The following PDGFD variants were observed in gnomAD, a reference collection of about 807,000 sequenced individuals.
PDGFD encodes the protein platelet derived growth factor D.
A neutral mutation model predicts 44.7 loss-of-function variants in PDGFD; 30 were observed. The ratio of observed to expected loss-of-function variants is 0.67; its 90% CI spans 0.50 to 0.91. PDGFD has a LOEUF of 0.91. PDGFD is among the 40% of genes least tolerant of loss of function. The probability of loss-of-function intolerance (pLI) is 0.00; values close to 1 mark genes in which losing one functional copy is unlikely to be tolerated. For missense variants in PDGFD, 445 were observed against 457.8 expected (o/e 0.97, Z 0.25); for synonymous variants, 173 against 168.4 (o/e 1.03, Z -0.21).
At chr11:104,007,891 G>A (rs570267558) in intron 1 of PDGFD, among the ~76,000 whole-genome samples, 1 of 152,278 alleles carries the variant, frequency 6.6e-6, no homozygotes, top group South Asian at 2.1e-4. Flanking sequence ...CATTTTGCAA[G>A]TCCATCATAG....
chr11:104,065,901 G>A (rs1860785105), intron 1 of PDGFD, among the ~76,000 whole-genome samples: 1 of 152,158 alleles, frequency 6.6e-6, no homozygotes, highest in Non-Finnish European at 1.5e-5. Context: ...CTGATGGCAT[G>A]AGGAAAATAA....
chr11:103,996,021 G>A (rs1049016407), intron 3 of PDGFD, 44 bp downstream of exon 3: 26 of 1,535,780 alleles, frequency 1.7e-5, no homozygotes, highest in Non-Finnish European at 2.3e-5. Context: ...TACACTTCAT[G>A]AAACCAGTGT....
chr11:104,008,075 C>T (rs1409487186), intron 1 of PDGFD, among the ~76,000 whole-genome samples: 1 of 152,144 alleles, frequency 6.6e-6, no homozygotes, highest in Non-Finnish European at 1.5e-5. Flanking sequence ...TCAGCTCTAC[C>T]TCTTTCAAGT....
intron 1 of PDGFD, among the ~76,000 whole-genome samples, chr11:104,004,543 C>A (rs1266434060): frequency 6.6e-6 from 1 of 152,038 alleles, no homozygotes; most frequent in African/African-American, 2.4e-5. Context: ...GGAATCAATA[C>A]CTCATTAATA....
At chr11:103,999,688 A>G (rs1345058458) in intron 2 of PDGFD, among the ~76,000 whole-genome samples, 55 of 152,188 alleles carry the variant, frequency 3.6e-4, no homozygotes, top group Non-Finnish European at 8.8e-5. Context: ...CCCTAAGCCC[A>G]TGGCAGGCTT....
chr11:103,925,891 G>A (rs907126214), intron 6 of PDGFD, among the ~76,000 whole-genome samples: 1 of 151,598 alleles, frequency 6.6e-6, no homozygotes, highest in Non-Finnish European at 1.5e-5. Flanking sequence ...ATCACGCCTG[G>A]CTAATTTTTG....
chr11:104,161,283 G>A (rs1373539730), intron 1 of PDGFD, among the ~76,000 whole-genome samples: 2 of 152,052 alleles, frequency 1.3e-5, no homozygotes, highest in African/African-American at 4.8e-5. Context: ...CCATGTTCAT[G>A]TCCTCCTCAA....
In PDGFD at chr11:103,910,650, T is replaced by C. The variant is rs528013698; in HGVS notation, c.988-831A>G. On this transcript the variant is annotated intron_variant, in intron 6 of 6. Transcript: ENST00000393158. ...GTGCCTATGCCACCAGGGCCCTGGG[T>C]TTCAAGCACAAAACTGGGCGGCCAT... Among the ~76,000 whole-genome samples the C allele has an allele frequency of 6.6e-5, 10 of 152,200 alleles. No homozygotes were observed. The South Asian group carries it at 2.1e-3, about 32-fold the overall frequency.
chr11:104,032,317 T>G (rs1860141071), intron 1 of PDGFD, among the ~76,000 whole-genome samples: 1 of 152,170 alleles, frequency 6.6e-6, no homozygotes, highest in South Asian at 2.1e-4. Context: ...TATGAAAACA[T>G]TAGTTATTTA....
chr11:104,135,070 C>G (rs182843453), intron 1 of PDGFD, among the ~76,000 whole-genome samples: 2 of 152,186 alleles, frequency 1.3e-5, no homozygotes, highest in Non-Finnish European at 2.9e-5. Flanking sequence ...TGAGAATAAC[C>G]ATGGGTGGAA....
chr11:103,913,621 A>C (rs547254775), intron 6 of PDGFD, among the ~76,000 whole-genome samples: 1 of 152,346 alleles, frequency 6.6e-6, no homozygotes, highest in South Asian at 2.1e-4. Flanking sequence ...CAAATTCAAA[A>C]GCTAGCAGAA....
intron 1 of PDGFD, among the ~76,000 whole-genome samples, chr11:104,137,804 G>A (rs972580348): frequency 6.9e-5 from 9 of 130,050 alleles, no homozygotes; most frequent in Admixed American, 6.4e-4. Context: ...AGTTCTGTCC[G>A]ACATTTGACA....
rs140001997 is a variant in PDGFD at position 104,099,587 on chromosome 11, G to C, written c.124+64217C>G. On this transcript the variant is annotated intron_variant, in intron 1 of 6. Transcript: ENST00000393158. Reference sequence around the variant, plus strand: ...GCAGAGGTGGCAGTGAGCCCAGATTGCACCACTACACTGCAGCCTGGGCGA... The same window carrying C: ...GCAGAGGTGGCAGTGAGCCCAGATTCCACCACTACACTGCAGCCTGGGCGA... Among the ~76,000 whole-genome samples, 105 of 151,004 alleles carry C rather than the reference G, an allele frequency of 7.0e-4. 1 individual carries two copies. The South Asian group carries it at 0.02, about 28-fold the overall frequency.
At chr11:104,133,523 G>C (rs1228280864) in intron 1 of PDGFD, among the ~76,000 whole-genome samples, 2 of 152,146 alleles carry the variant, frequency 1.3e-5, no homozygotes, top group African/African-American at 2.4e-5. Context: ...TCTAGCACAA[G>C]AGATGAAGAT....
intron 3 of PDGFD, among the ~76,000 whole-genome samples, chr11:103,962,235 TTCC>T (rs1453273201): frequency 6.6e-6 from 1 of 152,180 alleles, no homozygotes; most frequent in Admixed American, 6.5e-5. Flanking sequence ...TAATAACATT[TTCC>T]ACTCAAATAC....
At chr11:104,012,339 A>T (rs1236892545) in intron 1 of PDGFD, among the ~76,000 whole-genome samples, 1 of 152,170 alleles carries the variant, frequency 6.6e-6, no homozygotes, top group Non-Finnish European at 1.5e-5. Flanking sequence ...GATTTAAAAG[A>T]CTTCTGTGAT....
chr11:104,067,404 G>A (rs1860804824), intron 1 of PDGFD, among the ~76,000 whole-genome samples: 1 of 152,066 alleles, frequency 6.6e-6, no homozygotes, highest in Admixed American at 6.5e-5. Flanking sequence ...TAAAATAGAA[G>A]TGAGCAATTT....
chr11:104,128,367 C>T (rs1321266185), intron 1 of PDGFD, among the ~76,000 whole-genome samples: 5 of 152,118 alleles, frequency 3.3e-5, no homozygotes, highest in Non-Finnish European at 7.4e-5. Flanking sequence ...CCAAACACAG[C>T]TCCACCTACT....
chr11:104,152,227 C>T (rs1013342122), intron 1 of PDGFD, among the ~76,000 whole-genome samples: 2 of 152,172 alleles, frequency 1.3e-5, no homozygotes, highest in African/African-American at 4.8e-5. Flanking sequence ...ATAATCCCAA[C>T]ATATACTGTA....
Sources: gnomAD v4.1 joint callset for allele counts (sites outside exome capture counted in the v4.1 genomes callset) on GRCh38, gnomAD v4.1.1 for gene constraint, MANE v1.5 for transcripts, NCBI Gene and HGNC (gene_info 2026-07-23, HGNC 2026-07-21) for gene names.